COA5: variants seen among roughly 807,000 people sequenced by gnomAD.
COA5 encodes the protein protein C2orf64.
A neutral mutation model predicts 11.8 loss-of-function variants in COA5; 11 were observed. That is an observed-to-expected ratio of 0.93 (90% CI 0.59 to 1.54). COA5 has a LOEUF of 1.54. Among genes scored for constraint, COA5 ranks in the 40% most tolerant of loss-of-function variants. The pLI, the probability that COA5 is intolerant of heterozygous loss-of-function variation, is 0.00. For missense variants in COA5, 87 were observed against 89.2 expected, an observed-to-expected ratio of 0.97 and a Z score of 0.10; for synonymous variants, 38 against 37.5, an observed-to-expected ratio of 1.01 and a Z score of -0.05.
At position 98,600,640 on chromosome 2, in the gene COA5, TC is replaced by T. The variant is rs1700628716; in HGVS notation, c.*111del. 1.1e-6 allele frequency: 1 copy of T among 886,448 alleles called. No homozygotes were observed. The highest frequency in any genetic ancestry group is 1.8e-6 in the Non-Finnish European group (1 of 542,550). The allele number at this position is 886,448 out of a possible 1,614,324, so 54.9% of individuals were successfully genotyped here. ...TCTTCAGTGTTCCACGGAGGGGAAA[TC>T]TGGTCCAACCAAACAGATGTAGTAA... On this transcript the variant is annotated 3_prime_UTR_variant, in exon 3 of 3. Coordinates refer to ENST00000328709, the MANE Select transcript of COA5 (RefSeq NM_001008215.3).
intron 1 of COA5, 138 bp from the exon 2 acceptor site, chr2:98,604,329 A>G: frequency 1.4e-6 from 1 of 721,612 alleles, no homozygotes; most frequent in Non-Finnish European, 2.4e-6. Flanking sequence ...ATAGTTCTTA[A>G]TTCATTTGGG....
rs760690501 is a variant in COA5 at position 98,602,648 on chromosome 2, CAAAA to C, written c.183+1456_183+1459del. 1.5e-4 allele frequency: 11 copies of C among 71,650 alleles called. No individual in the cohort carries two copies. The South Asian group carries it at 2.3e-3, about 15-fold the overall frequency. The allele number at this position is 71,650 out of a possible 1,614,324, so 4.4% of individuals were successfully genotyped here. A position where few individuals can be genotyped will look rare whatever the true frequency, so the allele number is the denominator to read the frequency against. On this transcript the variant is annotated intron_variant, in intron 2 of 2. Coordinates refer to ENST00000328709, the MANE Select transcript of COA5 (RefSeq NM_001008215.3). ...CGGGCAACAGAGCGAGACTCCATCTCAAAAAAAAAAAAAAAAAGGGTCCCTAAGG... is the reference window on the plus strand; with the variant it reads ...CGGGCAACAGAGCGAGACTCCATCTCAAAAAAAAAAAAAGGGTCCCTAAGG...
chr2:98,602,209 C>A (rs78429992), intron 2 of COA5, among the ~76,000 whole-genome samples: 3 of 152,346 alleles, frequency 2.0e-5, no homozygotes, highest in African/African-American at 7.2e-5. Flanking sequence ...TGCACACTCA[C>A]TTTAATAGCA....
At chr2:98,603,475 G>A (rs1045566778) in intron 2 of COA5, among the ~76,000 whole-genome samples, 1 of 151,822 alleles carries the variant, frequency 6.6e-6, no homozygotes, top group Non-Finnish European at 1.5e-5. Context: ...GTGAGACTCC[G>A]TCTCAAACAA....
At chr2:98,603,971 G>A in intron 2 of COA5, 137 bp downstream of exon 2, 1 of 657,834 alleles carries the variant, frequency 1.5e-6, no homozygotes, top group Non-Finnish European at 2.7e-6. Context: ...TAACTCACTG[G>A]AGGAAGAAAT....
chr2:98,602,260 G>A (rs1160058795), intron 2 of COA5: 1 of 152,138 alleles, frequency 6.6e-6, no homozygotes, highest in Non-Finnish European at 1.5e-5. Context: ...ATATTTCTGG[G>A]TTTTTTGCCA....
chr2:98,608,456 T>C lies in COA5; in HGVS notation c.-51A>G, dbSNP rs760252226. ...CGCGACTTTCTCCCACCGCAACACT[T>C]GCAACCGGGTCGGGAGCGAGCGAGG... On this transcript the variant is annotated 5_prime_UTR_variant, in exon 1 of 3. Transcript: ENST00000328709. 5.1e-6 allele frequency: 7 copies of C among 1,385,498 alleles called. No homozygotes were observed. Among genetic ancestry groups the C allele is most frequent in the South Asian group, 3.7e-5 (3 of 81,922 alleles). The allele number at this position is 1,385,498 out of a possible 1,614,324, so 85.8% of individuals were successfully genotyped here. A position where few individuals can be genotyped will look rare whatever the true frequency, so the allele number is the denominator to read the frequency against.
intron 2 of COA5, among the ~76,000 whole-genome samples, chr2:98,601,059 C>T (rs776873666): frequency 5.9e-5 from 9 of 151,984 alleles, no homozygotes; most frequent in Non-Finnish European, 8.8e-5. Context: ...GCCTGGCCAA[C>T]GTGGTGAAAC....
intron 1 of COA5, among the ~76,000 whole-genome samples, chr2:98,605,479 T>C (rs550276144): frequency 6.6e-6 from 1 of 152,354 alleles, no homozygotes; most frequent in East Asian, 1.9e-4. Flanking sequence ...GTGTCTGCGT[T>C]CATGGAAGAC....
At chr2:98,603,422 A>G (rs900276690) in intron 2 of COA5, among the ~76,000 whole-genome samples, 3 of 152,192 alleles carry the variant, frequency 2.0e-5, no homozygotes, top group African/African-American at 7.2e-5. Flanking sequence ...CAGAGGTTGC[A>G]GTGATCTGAG....
rs1350093641 is a variant in COA5, at chr2:98,600,727, T to G, written c.*25A>C. 8.1e-6 allele frequency: 13 copies of G among 1,603,650 alleles called. No individual in the cohort carries two copies. Among genetic ancestry groups the G allele is most frequent in the Non-Finnish European group, 1.1e-5 (13 of 1,171,856 alleles). ...TGACCAGGGAAAATATTTGTTGTTT[T>G]CCATGTTGGCTTCAACATAATGCAT... On this transcript the variant is annotated 3_prime_UTR_variant, in exon 3 of 3. Coordinates refer to ENST00000328709, the MANE Select transcript of COA5 (RefSeq NM_001008215.3).
At chr2:98,604,227 G>C (rs751086497) in intron 1 of COA5, 36 bp from the exon 2 acceptor site, 2 of 1,485,008 alleles carry the variant, frequency 1.3e-6, no homozygotes, top group Non-Finnish European at 9.4e-7. Flanking sequence ...AAACACCTTG[G>C]AAATTTTCTC....
At position 98,608,431 on chromosome 2, in the gene COA5, C is replaced by A; in HGVS notation, c.-26G>T. ...GACGGCGCTTCCCCTCCGATGCGGA[C>A]GCGACTTTCTCCCACCGCAACACTT... is the stretch of plus-strand genomic sequence containing the variant. On this transcript the variant is annotated 5_prime_UTR_variant, in exon 1 of 3. Transcript: ENST00000328709. 6.5e-7 allele frequency: 1 copy of A among 1,538,884 alleles called. No individual in the cohort carries two copies. The highest frequency in any genetic ancestry group is 8.8e-7 in the Non-Finnish European group (1 of 1,132,816).
At chr2:98,606,487 A>T (rs1008258508) in intron 1 of COA5, among the ~76,000 whole-genome samples, 36 of 152,242 alleles carry the variant, frequency 2.4e-4, no homozygotes, top group Non-Finnish European at 4.1e-4. Context: ...CGGGAAAAGC[A>T]AAGTCTGTAC....
At chr2:98,604,019 A>ATG in intron 2 of COA5, 89 bp downstream of exon 2, 1 of 962,278 alleles carries the variant, frequency 1.0e-6, no homozygotes, top group Non-Finnish European at 1.7e-6. Context: ...TATCACTGCA[A>ATG]CTTACCTATA....
chr2:98,600,847 A>G, intron 2 of COA5, 54 bp from the exon 3 acceptor site: 1 of 1,179,394 alleles, frequency 8.5e-7, no homozygotes, highest in Non-Finnish European at 1.3e-6. Flanking sequence ...TTAATTAAAC[A>G]CCCCTTACTT....
At position 98,603,245 on chromosome 2, in the gene COA5, GAGGC is replaced by G. The variant is rs369637865; in HGVS notation, c.183+859_183+862del. Among the ~76,000 whole-genome samples the G allele has an allele frequency of 3.9e-3, 587 of 152,260 alleles. 4 individuals are homozygous for G. Among genetic ancestry groups the G allele is most frequent in the African/African-American group, 0.013 (550 of 41,550 alleles). On this transcript the variant is annotated intron_variant, in intron 2 of 2. Coordinates refer to ENST00000328709, the MANE Select transcript of COA5 (RefSeq NM_001008215.3). ...TGTAATCCCAGCACTTTGGGAAGCC[GAGGC>G]AGGCAGATCACCTGAGGTCAGGAGT... is the stretch of plus-strand genomic sequence containing the variant.
chr2:98,599,953 A>G lies in COA5; in HGVS notation c.*799T>C, dbSNP rs1262669607. 2.0e-5 allele frequency: 3 copies of G among 152,354 alleles called. No homozygotes were observed. Among genetic ancestry groups the G allele is most frequent in the Non-Finnish European group, 4.4e-5 (3 of 68,134 alleles). The allele number at this position is 152,354 out of a possible 1,614,324, so 9.4% of individuals were successfully genotyped here. A position where few individuals can be genotyped will look rare whatever the true frequency, so the allele number is the denominator to read the frequency against. ...CACAGGCCCCCATCCCCTCTTCCAC[A>G]GGGACTGGTCCAATGCAAGGGCAGG... is the stretch of plus-strand genomic sequence containing the variant. On this transcript the variant is annotated 3_prime_UTR_variant, in exon 3 of 3. Coordinates refer to ENST00000328709, the MANE Select transcript of COA5 (RefSeq NM_001008215.3).
At chr2:98,603,410 G>A (rs1319375101) in intron 2 of COA5, among the ~76,000 whole-genome samples, 1 of 152,136 alleles carries the variant, frequency 6.6e-6, no homozygotes, top group Admixed American at 6.5e-5. Flanking sequence ...GAACCCAGGA[G>A]GCAGAGGTTG....
Sources: gnomAD v4.1 joint callset for allele counts (sites outside exome capture counted in the v4.1 genomes callset) on GRCh38, gnomAD v4.1.1 for gene constraint, MANE v1.5 for transcripts, NCBI Gene and HGNC (gene_info 2026-07-23, HGNC 2026-07-21) for gene names.